Variants in CREBL2 observed in about 807,000 individuals in gnomAD.
CREBL2 encodes the protein cAMP-responsive element-binding protein-like 2.
CREBL2 carries 4 observed loss-of-function variants against 19.5 expected under a neutral mutation model. That is an observed-to-expected ratio of 0.20 (90% CI 0.10 to 0.47). CREBL2 has a LOEUF of 0.47. Among genes scored for constraint, CREBL2 ranks in the 20% least tolerant of loss-of-function variants. The pLI is 0.98. For missense variants in CREBL2, 85 were observed against 145.1 expected, an observed-to-expected ratio of 0.59 and a Z score of 2.13; for synonymous variants, 42 against 46.6, an observed-to-expected ratio of 0.90 and a Z score of 0.40.
intron 3 of CREBL2, among the ~76,000 whole-genome samples, chr12:12,641,159 T>C (rs115329591): frequency 0.016 from 2,409 of 151,122 alleles, 67 homozygotes; most frequent in African/African-American, 0.055. Context: ...ATGTCCTATG[T>C]TGATTTCTTC....
At chr12:12,628,197 A>T (rs1945417644) in intron 1 of CREBL2, among the ~76,000 whole-genome samples, 1 of 151,974 alleles carries the variant, frequency 6.6e-6, no homozygotes, top group Non-Finnish European at 1.5e-5. Context: ...CTTTTTGATT[A>T]TGTAAACATC....
intron 1 of CREBL2, among the ~76,000 whole-genome samples, chr12:12,613,990 CTTTTTTTT>C (rs57522744): frequency 4.1e-5 from 3 of 72,922 alleles, no homozygotes; most frequent in African/African-American, 1.1e-4. Context: ...TCTTTTTTTT[CTTTTTTTT>C]TTTTTTTTTT....
intron 1 of CREBL2, among the ~76,000 whole-genome samples, chr12:12,629,066 T>C (rs1304823716): frequency 6.6e-6 from 1 of 152,206 alleles, no homozygotes; most frequent in African/African-American, 2.4e-5. Context: ...GCCCTCCAAT[T>C]TGCGTCTTTT....
At chr12:12,631,143 AGACT>A (rs1945439471) in intron 1 of CREBL2, among the ~76,000 whole-genome samples, 1 of 152,246 alleles carries the variant, frequency 6.6e-6, no homozygotes, top group African/African-American at 2.4e-5. Flanking sequence ...TAATGAAGAC[AGACT>A]TAGTATTTCA....
chr12:12,638,608 G>A (rs1945494291), intron 3 of CREBL2, among the ~76,000 whole-genome samples: 1 of 151,856 alleles, frequency 6.6e-6, no homozygotes. Context: ...CCTTTTATTT[G>A]TATTTTGATT....
intron 3 of CREBL2, among the ~76,000 whole-genome samples, chr12:12,641,253 A>ATTATTATTATT (rs1478394376): frequency 6.4e-5 from 5 of 78,262 alleles, no homozygotes; most frequent in Admixed American, 1.5e-4. Context: ...TATTATTATT[A>ATTATTATTATT]TTTTTTTTTA....
rs1213432204 is a variant in CREBL2 at position 12,643,252 on chromosome 12, T to TA, written c.*1255dup. ...TTCCATTTCCCCTTGCAGCTACACT[T>TA]ACTTTCTCCCTGACTACCAAATGGA... On this transcript the variant is annotated 3_prime_UTR_variant, in exon 4 of 4. Transcript: ENST00000228865. 1.1e-4 allele frequency: 17 copies of TA among 152,584 alleles called. No individual in the cohort carries two copies. Among genetic ancestry groups the TA allele is most frequent in the Admixed American group, 3.9e-4 (6 of 15,274 alleles). The allele number at this position is 152,584 out of a possible 1,614,324, so 9.5% of individuals were successfully genotyped here. A position where few individuals can be genotyped will look rare whatever the true frequency, so the allele number is the denominator to read the frequency against.
chr12:12,635,812 T>A lies in CREBL2; in HGVS notation c.51T>A (p.Arg17=), dbSNP rs1234344239. Residue 17 remains arginine (R), a synonymous_variant, in exon 2 of 4, where the codon CGT becomes CGA. Transcript: ENST00000228865. ...GCAAAGTAAAGAAGCCCGGTAAACGTGGTCGGAAGCCAGCCAAAATTGACT... is the reference window on the plus strand; with the variant it reads ...GCAAAGTAAAGAAGCCCGGTAAACGAGGTCGGAAGCCAGCCAAAATTGACT... ...VGGKVKKPGK[R]GRKPAKIDLK... is the part of the protein sequence containing the mutation. 3 of 1,613,302 alleles carry A rather than the reference T, an allele frequency of 1.9e-6. No individual in the cohort carries two copies. Among genetic ancestry groups the A allele is most frequent in the Non-Finnish European group, 2.5e-6 (3 of 1,179,636 alleles).
At chr12:12,617,796 T>C (rs1283332971) in intron 1 of CREBL2, among the ~76,000 whole-genome samples, 1 of 151,594 alleles carries the variant, frequency 6.6e-6, no homozygotes, top group Non-Finnish European at 1.5e-5. Context: ...CTCTGGTTTT[T>C]CTAGGCAGAG....
In CREBL2 at chr12:12,612,139, G is replaced by T. The variant is rs1239620101; in HGVS notation, c.-34G>T. ...GCTGAGCCGGGGGAGGGCTCCGGGAGGGAGTGCCTGGCCAGGCCGGCCTGT... is the reference window on the plus strand; with the variant it reads ...GCTGAGCCGGGGGAGGGCTCCGGGATGGAGTGCCTGGCCAGGCCGGCCTGT... On this transcript the variant is annotated 5_prime_UTR_variant, in exon 1 of 4. It adds an upstream start codon to the 5' untranslated region. Coordinates refer to ENST00000228865, the MANE Select transcript of CREBL2 (RefSeq NM_001310.4). 6.2e-7 allele frequency: 1 copy of T among 1,610,282 alleles called. No individual in the cohort carries two copies. Among genetic ancestry groups the T allele is most frequent in the Non-Finnish European group, 8.5e-7 (1 of 1,179,784 alleles).
At chr12:12,632,214 A>C (rs1356109521) in intron 1 of CREBL2, among the ~76,000 whole-genome samples, 4 of 148,668 alleles carry the variant, frequency 2.7e-5, no homozygotes, top group African/African-American at 7.4e-5. Flanking sequence ...AGTAGCTGGG[A>C]CTACAGGCGC....
At chr12:12,623,165 C>G (rs1486837145) in intron 1 of CREBL2, among the ~76,000 whole-genome samples, 5 of 136,716 alleles carry the variant, frequency 3.7e-5, no homozygotes, top group African/African-American at 5.5e-5. Context: ...CAGTTTAAAT[C>G]ACTTTCAAAA....
At position 12,643,141 on chromosome 12, in the gene CREBL2, T is replaced by G. The variant is rs779189063; in HGVS notation, c.*1143T>G. ...GGTTCAGCCCTGGATATGCCTCCACTGTGGAGGGAAGCATTGGAACTGGAG... is the reference window on the plus strand; with the variant it reads ...GGTTCAGCCCTGGATATGCCTCCACGGTGGAGGGAAGCATTGGAACTGGAG... On this transcript the variant is annotated 3_prime_UTR_variant, in exon 4 of 4. Coordinates refer to ENST00000228865, the MANE Select transcript of CREBL2 (RefSeq NM_001310.4). The G allele has an allele frequency of 1.0e-4, 16 of 152,628 alleles. No individual in the cohort carries two copies. Among genetic ancestry groups the G allele is most frequent in the Admixed American group, 9.2e-4 (14 of 15,276 alleles). 9.5% of individuals were successfully genotyped at this position (152,628 alleles called of 1,614,324 possible).
intron 1 of CREBL2, among the ~76,000 whole-genome samples, chr12:12,618,480 G>A (rs1254077975): frequency 1.3e-5 from 2 of 151,676 alleles, no homozygotes; most frequent in South Asian, 4.2e-4. Flanking sequence ...TTGGGCGGCC[G>A]GGCAGAGACG....
At chr12:12,640,073 C>T (rs1945506029) in intron 3 of CREBL2, among the ~76,000 whole-genome samples, 1 of 152,146 alleles carries the variant, frequency 6.6e-6, no homozygotes. Flanking sequence ...TTCAGCAGTG[C>T]ACATATTGTC....
intron 1 of CREBL2, among the ~76,000 whole-genome samples, chr12:12,622,099 C>T (rs1470206260): frequency 1.3e-5 from 2 of 152,088 alleles, no homozygotes; most frequent in African/African-American, 4.8e-5. Flanking sequence ...TCTTCAGATA[C>T]GGATTGGGTG....
At chr12:12,631,045 T>C (rs1345428560) in intron 1 of CREBL2, among the ~76,000 whole-genome samples, 5 of 152,218 alleles carry the variant, frequency 3.3e-5, no homozygotes, top group African/African-American at 1.2e-4. Flanking sequence ...TAGCTTGTCT[T>C]AAAAGAGAAA....
At chr12:12,629,731 T>C (rs148758105) in intron 1 of CREBL2, among the ~76,000 whole-genome samples, 1 of 152,178 alleles carries the variant, frequency 6.6e-6, no homozygotes, top group Non-Finnish European at 1.5e-5. Context: ...AGTAAGATGT[T>C]AGCTGTGGGT....
chr12:12,626,258 T>A (rs759395994), intron 1 of CREBL2, among the ~76,000 whole-genome samples: 1 of 152,244 alleles, frequency 6.6e-6, no homozygotes, highest in Non-Finnish European at 1.5e-5. Context: ...GTTAAACTTG[T>A]TGACTGTGAA....
Sources: gnomAD v4.1 joint callset for allele counts (sites outside exome capture counted in the v4.1 genomes callset) on GRCh38, gnomAD v4.1.1 for gene constraint, MANE v1.5 for transcripts, NCBI Gene and HGNC (gene_info 2026-07-23, HGNC 2026-07-21) for gene names.